Variants in MTCL3 observed in about 807,000 individuals in gnomAD.
MTCL3 encodes the protein microtubule cross-linking factor 3.
chr6:127,496,061 C>G, the MTCL3 span, among the ~76,000 whole-genome samples: 3 of 152,060 alleles, frequency 2.0e-5, no homozygotes, highest in Non-Finnish European at 4.4e-5. Context: ...GAAACCCCAT[C>G]TCTACTAAAA....
At chr6:127,517,701 C>T in the MTCL3 span, 3 of 152,226 alleles carry the variant, frequency 2.0e-5, no homozygotes, top group African/African-American at 7.2e-5. Flanking sequence ...CATCTTCCCT[C>T]ATGGTGGTAA....
chr6:127,511,591 C>G, the MTCL3 span, among the ~76,000 whole-genome samples: 1 of 152,104 alleles, frequency 6.6e-6, no homozygotes, highest in African/African-American at 2.4e-5. Flanking sequence ...AAGTTACAGG[C>G]CTTTTAAAGT....
the MTCL3 span, among the ~76,000 whole-genome samples, chr6:127,491,878 CAAAAAAAA>C: frequency 1.6e-5 from 1 of 60,780 alleles, no homozygotes; most frequent in African/African-American, 5.2e-5. Context: ...GACCCTGTCT[CAAAAAAAA>C]AAAAAAAAAA....
chr6:127,498,065 A>G, the MTCL3 span, among the ~76,000 whole-genome samples: 1 of 152,300 alleles, frequency 6.6e-6, no homozygotes, highest in East Asian at 1.9e-4. Context: ...GACACCAAAA[A>G]CATAAGTGAT....
At chr6:127,489,165 T>C in the MTCL3 span, among the ~76,000 whole-genome samples, 1 of 152,222 alleles carries the variant, frequency 6.6e-6, no homozygotes, top group South Asian at 2.1e-4. Context: ...TCCATTATGA[T>C]AATCTGGGAT....
the MTCL3 span, among the ~76,000 whole-genome samples, chr6:127,475,134 T>C: frequency 6.6e-6 from 1 of 152,214 alleles, no homozygotes; most frequent in Admixed American, 6.5e-5. This position sits in a 1 kb window ranked among gnomAD's most constrained non-coding sequence, Gnocchi z 7.3. Context: ...GTGGAAGAAC[T>C]GGTGGGCCGA....
At chr6:127,507,814 G>T in the MTCL3 span, among the ~76,000 whole-genome samples, 1 of 124,610 alleles carries the variant, frequency 8.0e-6, no homozygotes, top group Non-Finnish European at 1.6e-5. Flanking sequence ...CTGCACTCCA[G>T]CCTGGGCGAC....
the MTCL3 span, chr6:127,476,145 G>T: frequency 6.2e-7 from 1 of 1,614,172 alleles, no homozygotes; most frequent in Admixed American, 1.7e-5. The surrounding 1 kb of genome is among the most constrained non-coding windows in gnomAD (Gnocchi z 4.4). Flanking sequence ...CCGAGCCGTT[G>T]AAGTCATCGC....
At chr6:127,485,606 T>C in the MTCL3 span, among the ~76,000 whole-genome samples, 1 of 152,172 alleles carries the variant, frequency 6.6e-6, no homozygotes, top group Admixed American at 6.5e-5. Context: ...AGGGAAAGTA[T>C]GTTCTAGTTC....
chr6:127,509,637 A>G, the MTCL3 span, among the ~76,000 whole-genome samples: 1 of 152,218 alleles, frequency 6.6e-6, no homozygotes, highest in Non-Finnish European at 1.5e-5. Flanking sequence ...CTTTAAAAAA[A>G]TGACACGAAG....
chr6:127,512,304 T>TA, the MTCL3 span, among the ~76,000 whole-genome samples: 62 of 146,960 alleles, frequency 4.2e-4, no homozygotes, highest in South Asian at 1.5e-3. Flanking sequence ...ATATATCATG[T>TA]AAAAAAAAAA....
chr6:127,503,957 G>A, the MTCL3 span, among the ~76,000 whole-genome samples: 9 of 151,812 alleles, frequency 5.9e-5, no homozygotes, highest in Non-Finnish European at 1.2e-4. Context: ...TATCAACTTT[G>A]TGCCCTGTTC....
the MTCL3 span, among the ~76,000 whole-genome samples, chr6:127,484,916 C>T: frequency 6.6e-6 from 1 of 152,140 alleles, no homozygotes; most frequent in Non-Finnish European, 1.5e-5. Context: ...TCAAAAGCAT[C>T]AGTTATCTCT....
At chr6:127,476,176 G>C in the MTCL3 span, 1 of 1,614,102 alleles carries the variant, frequency 6.2e-7, no homozygotes, top group Non-Finnish European at 8.5e-7. This position sits in a 1 kb window ranked among gnomAD's most constrained non-coding sequence, Gnocchi z 4.4. Context: ...GTCCAGTTCC[G>C]CCTTCAGGCC....
At chr6:127,504,519 A>G in the MTCL3 span, among the ~76,000 whole-genome samples, 3 of 152,200 alleles carry the variant, frequency 2.0e-5, no homozygotes, top group African/African-American at 7.2e-5. Flanking sequence ...ACTGGGAGCA[A>G]GGCCATTCAC....
At chr6:127,503,793 T>C in the MTCL3 span, among the ~76,000 whole-genome samples, 1 of 152,236 alleles carries the variant, frequency 6.6e-6, no homozygotes, top group Admixed American at 6.5e-5. Context: ...GAGGCTGGAG[T>C]TACCCATCTA....
At chr6:127,475,213 G>A in the MTCL3 span, 3 of 1,453,864 alleles carry the variant, frequency 2.1e-6, no homozygotes, top group African/African-American at 1.4e-5. The surrounding 1 kb of genome is among the most constrained non-coding windows in gnomAD (Gnocchi z 7.3). Flanking sequence ...CGGCAGTCCG[G>A]GCGCCGAGAC....
chr6:127,493,749 A>G, the MTCL3 span, among the ~76,000 whole-genome samples: 1 of 152,180 alleles, frequency 6.6e-6, no homozygotes, highest in Non-Finnish European at 1.5e-5. Flanking sequence ...TGAGAAAACT[A>G]TTTTTCTGCT....
At chr6:127,511,591 C>T in the MTCL3 span, among the ~76,000 whole-genome samples, 2 of 152,104 alleles carry the variant, frequency 1.3e-5, no homozygotes, top group African/African-American at 4.8e-5. Context: ...AAGTTACAGG[C>T]CTTTTAAAGT....
Sources: gnomAD v4.1 joint callset for allele counts (sites outside exome capture counted in the v4.1 genomes callset) on GRCh38, gnomAD v4.1.1 for gene constraint, Gnocchi (gnomAD v3.1) non-coding constraint, MANE v1.5 for transcripts, NCBI Gene and HGNC (gene_info 2026-07-23, HGNC 2026-07-21) for gene names.